SLC6A20: variants seen among roughly 807,000 people sequenced by gnomAD.
The protein encoded by SLC6A20 is solute carrier family 6 member 20.
SLC6A20 carries 73 observed loss-of-function variants against 64.3 expected under a neutral mutation model. That is an observed-to-expected ratio of 1.14 (90% confidence interval 0.94 to 1.38). The LOEUF is 1.38. Ranked by LOEUF, SLC6A20 falls within the 40% of genes most tolerant of loss-of-function variation. The pLI is 0.00. For missense variants in SLC6A20, 725 were observed against 772.8 expected, an observed-to-expected ratio of 0.94 and a Z score of 0.73; for synonymous variants, 347 against 329.6, an observed-to-expected ratio of 1.05 and a Z score of -0.57.
rs1335438107 is a variant in SLC6A20, at chr3:45,762,926, A to C, written c.1450T>G (p.Tyr484Asp). 1.5e-5 allele frequency: 24 copies of C among 1,614,030 alleles called. No homozygotes were observed. The highest frequency in any genetic ancestry group is 1.9e-5 in the Non-Finnish European group (22 of 1,180,030). The change falls in exon 9 of 11, where the codon TAC (tyrosine) becomes GAC (aspartate). Residue 484 changes from tyrosine to aspartate, a missense_variant. Transcript: ENST00000358525. ...GGGCCTCCTCACCTCCTCAGCCCGT[A>C]CACGTAGCACACGGCAATCGTCTCC... The part of the protein sequence containing the change: ...LVETIAVCYV[Y>D]GLRRFESDLK...
chr3:45,779,027 G>T lies in SLC6A20; in HGVS notation c.354+982C>A, dbSNP rs1302496488. 2.0e-5 allele frequency among the ~76,000 whole-genome samples: 3 copies of T among 152,214 alleles called. No homozygotes were observed. The East Asian group carries it at 5.8e-4, about 29-fold the overall frequency. On this transcript the variant is annotated intron_variant, in intron 3 of 10. Transcript: ENST00000358525. ...CAAGCATTCCTCACGCCCCCACAGA[G>T]TCAAGGCTATGCCCAAGCACCCCAG...
At chr3:45,785,613 T>TCTCTCTCTCTCTCTCTCTCTCTC (rs1700157049) in intron 1 of SLC6A20, among the ~76,000 whole-genome samples, 4 of 141,014 alleles carry the variant, frequency 2.8e-5, no homozygotes, top group African/African-American at 1.1e-4. Context: ...AAACTCCCCT[T>TCTCTCTCTCTCTCTCTCTCTCTC]TCTCTCTCTC....
At chr3:45,794,541 C>T (rs554709885) in intron 1 of SLC6A20, among the ~76,000 whole-genome samples, 2 of 152,324 alleles carry the variant, frequency 1.3e-5, no homozygotes, top group South Asian at 2.1e-4. Flanking sequence ...CACAGGATTA[C>T]TTCTTGTTTC....
intron 1 of SLC6A20, 133 bp downstream of exon 1, chr3:45,796,166 T>TA: frequency 1.4e-6 from 2 of 1,470,436 alleles, no homozygotes; most frequent in South Asian, 2.8e-5. Context: ...CCCGGGTCTG[T>TA]AACTTCGGAC....
intron 1 of SLC6A20, among the ~76,000 whole-genome samples, chr3:45,789,887 C>T (rs939657642): frequency 1.1e-4 from 16 of 152,102 alleles, no homozygotes; most frequent in African/African-American, 1.9e-4. Flanking sequence ...CCTCCACACC[C>T]GGCCCTTTTA....
At chr3:45,763,743 GC>G (rs1254611770) in intron 8 of SLC6A20, among the ~76,000 whole-genome samples, 1 of 152,124 alleles carries the variant, frequency 6.6e-6, no homozygotes, top group Non-Finnish European at 1.5e-5. Flanking sequence ...AGGCCCTTTA[GC>G]CTCCAGAACC....
Position 45,775,879 on chromosome 3 carries a change from T to C in SLC6A20, c.464A>G (p.Asn155Ser), listed in dbSNP as rs751756477. ...TQYFWYRKTLNISPSLQENGG... is the reference protein window; with the variant it reads ...TQYFWYRKTLSISPSLQENGG... Reference sequence around the variant, plus strand: ...GTTCTCCTGGAGGGACGGCGAGATATTGAGGGTTTTCCTGTACCAGAAGTA... The same window carrying C: ...GTTCTCCTGGAGGGACGGCGAGATACTGAGGGTTTTCCTGTACCAGAAGTA... The change falls in exon 4 of 11, where the codon AAT becomes AGT. Residue 155 changes from asparagine (N) to serine (S), a missense_variant. Asn to Ser is a conservative substitution (Grantham distance 46). Coordinates refer to ENST00000358525, the MANE Select transcript of SLC6A20 (RefSeq NM_020208.4). The C allele has an allele frequency of 3.7e-6, 6 of 1,614,050 alleles. No individual in the cohort carries two copies. In the South Asian group the frequency reaches 6.6e-5, roughly 18 times the overall value.
rs570836605 is a variant in SLC6A20, at chr3:45,757,556, T to C, written c.*1422A>G. ...GCACAGCCCTAAATCCATTAAACTTTGATTCATTACAGCGCATGTTTCTGT... is the reference window on the plus strand; with the variant it reads ...GCACAGCCCTAAATCCATTAAACTTCGATTCATTACAGCGCATGTTTCTGT... On this transcript the variant is annotated 3_prime_UTR_variant, in exon 11 of 11. Transcript: ENST00000358525. The C allele has an allele frequency of 9.3e-4, 142 of 152,782 alleles. 1 individual carries two copies. The highest frequency in any genetic ancestry group is 3.4e-3 in the Middle Eastern group (1 of 294). The allele number at this position is 152,782 out of a possible 1,614,324, so 9.5% of individuals were successfully genotyped here.
chr3:45,768,976 G>T (rs1699816972), intron 7 of SLC6A20, among the ~76,000 whole-genome samples: 2 of 152,184 alleles, frequency 1.3e-5, no homozygotes, highest in South Asian at 4.1e-4. Flanking sequence ...AATTTGATCT[G>T]CAGGAGATAT....
intron 2 of SLC6A20, among the ~76,000 whole-genome samples, chr3:45,781,673 C>T (rs998844340): frequency 5.3e-4 from 81 of 152,322 alleles, no homozygotes; most frequent in African/African-American, 1.6e-3. Context: ...GCACATATAT[C>T]CTATAGGCTG....
chr3:45,782,566 T>G (rs1225219815), intron 1 of SLC6A20, among the ~76,000 whole-genome samples: 1 of 151,798 alleles, frequency 6.6e-6, no homozygotes, highest in East Asian at 1.9e-4. Context: ...CATCCTTCCT[T>G]CCTTCCATCC....
At chr3:45,789,796 T>C (rs570618704) in intron 1 of SLC6A20, among the ~76,000 whole-genome samples, 1 of 152,204 alleles carries the variant, frequency 6.6e-6, no homozygotes, top group Non-Finnish European at 1.5e-5. Flanking sequence ...CTCACTATAT[T>C]GCTCAGGCTG....
Position 45,776,093 on chromosome 3 carries a change from G to T in SLC6A20, c.355-105C>A, listed in dbSNP as rs528735592. Reference sequence around the variant, plus strand: ...TGAGCGGAGACTCTTGGAAGAGAAGGGTGCTGGTCCCCGAAGGGCAGGTGG... The same window carrying T: ...TGAGCGGAGACTCTTGGAAGAGAAGTGTGCTGGTCCCCGAAGGGCAGGTGG... On this transcript the variant is annotated intron_variant, in intron 3 of 10. Transcript: ENST00000358525. 125 of 1,115,522 alleles carry T rather than the reference G, an allele frequency of 1.1e-4. No individual in the cohort carries two copies. The South Asian group carries it at 1.4e-3, about 13-fold the overall frequency. 69.1% of individuals were successfully genotyped at this position (1,115,522 alleles called of 1,614,324 possible). A position where few individuals can be genotyped will look rare whatever the true frequency, so the allele number is the denominator to read the frequency against.
chr3:45,774,242 A>G (rs1302534470), intron 4 of SLC6A20, among the ~76,000 whole-genome samples: 2 of 152,244 alleles, frequency 1.3e-5, no homozygotes, highest in Non-Finnish European at 2.9e-5. Flanking sequence ...CAGAGGAAAT[A>G]GATGATAAGA....
At chr3:45,782,678 T>G (rs1310159372) in intron 1 of SLC6A20, among the ~76,000 whole-genome samples, 1 of 152,024 alleles carries the variant, frequency 6.6e-6, no homozygotes, top group African/African-American at 2.4e-5. Flanking sequence ...CATCCATCCT[T>G]CCATCCATTC....
intron 1 of SLC6A20, among the ~76,000 whole-genome samples, chr3:45,792,922 G>T (rs1700280742): frequency 6.6e-6 from 1 of 152,142 alleles, no homozygotes; most frequent in Non-Finnish European, 1.5e-5. Context: ...CCTGAAGTGT[G>T]GTCCATGGAC....
intron 1 of SLC6A20, among the ~76,000 whole-genome samples, chr3:45,794,256 G>T (rs1226385968): frequency 6.6e-6 from 1 of 152,192 alleles, no homozygotes; most frequent in African/African-American, 2.4e-5. Flanking sequence ...TGTTTGGAAG[G>T]CAGGAGGAGG....
chr3:45,766,361 GC>G lies in SLC6A20; in HGVS notation c.1099-621del, dbSNP rs1422956221. ...AAAAACAAGCCCTCCCTGGGTAGAA[GC>G]CCCCCCACCCGGTTTAGATGCACAG... is the stretch of plus-strand genomic sequence containing the variant. On this transcript the variant is annotated intron_variant, in intron 7 of 10. Coordinates refer to ENST00000358525, the MANE Select transcript of SLC6A20 (RefSeq NM_020208.4). 2.0e-5 allele frequency among the ~76,000 whole-genome samples: 3 copies of G among 152,284 alleles called. No homozygotes were observed. The East Asian group carries it at 5.8e-4, about 29-fold the overall frequency.
chr3:45,780,727 C>T (rs1025446395), intron 2 of SLC6A20, among the ~76,000 whole-genome samples: 7 of 152,126 alleles, frequency 4.6e-5, no homozygotes, highest in African/African-American at 7.2e-5. Flanking sequence ...GGCTGGCCCA[C>T]ACCAGCCCTT....
Sources: gnomAD v4.1 joint callset for allele counts (sites outside exome capture counted in the v4.1 genomes callset) on GRCh38, gnomAD v4.1.1 for gene constraint, MANE v1.5 for transcripts, NCBI Gene and HGNC (gene_info 2026-07-23, HGNC 2026-07-21) for gene names.